DTL: variants seen among roughly 807,000 people sequenced by gnomAD.
DTL encodes denticleless E3 ubiquitin protein ligase adapter.
A neutral mutation model predicts 87.0 loss-of-function variants in DTL; 46 were observed. The observed-to-expected ratio is 0.53, with a 90% CI of 0.42 to 0.68. The LOEUF is 0.68. DTL is among the 30% of genes least tolerant of loss of function. The pLI is 0.00. For missense variants in DTL, 737 were observed against 869.4 expected, an observed-to-expected ratio of 0.85 and a Z score of 1.91; for synonymous variants, 308 against 311.2, an observed-to-expected ratio of 0.99 and a Z score of 0.11.
chr1:212,074,003 T>A (rs779821415), intron 11 of DTL, among the ~76,000 whole-genome samples: 9 of 152,078 alleles, frequency 5.9e-5, no homozygotes, highest in Non-Finnish European at 8.8e-5. Flanking sequence ...ACTAGAGGAT[T>A]TTATTCCTAC....
chr1:212,076,634 TGAG>T (rs1654839055), intron 11 of DTL, among the ~76,000 whole-genome samples: 5 of 152,168 alleles, frequency 3.3e-5, no homozygotes, highest in Admixed American at 3.3e-4. Flanking sequence ...CAGTAGGACT[TGAG>T]GATTTCCTCT....
intron 5 of DTL, among the ~76,000 whole-genome samples, chr1:212,051,342 T>C (rs1365055360): frequency 6.6e-6 from 1 of 151,890 alleles, no homozygotes; most frequent in Admixed American, 6.6e-5. Flanking sequence ...TTTCTTATAG[T>C]GTGAGTCTGA....
chr1:212,051,236 G>A (rs2102534772), intron 5 of DTL, among the ~76,000 whole-genome samples: 1 of 152,024 alleles, frequency 6.6e-6, no homozygotes, highest in Middle Eastern at 3.4e-3. Flanking sequence ...ATCAAAAAGT[G>A]AACCCACAAT....
chr1:212,094,483 G>A (rs561591907), intron 13 of DTL, among the ~76,000 whole-genome samples: 13 of 152,176 alleles, frequency 8.5e-5, no homozygotes, highest in African/African-American at 2.4e-4. Context: ...TACGAGTACC[G>A]TGCTATTTGA....
chr1:212,049,921 C>T (rs1336863544), intron 5 of DTL, among the ~76,000 whole-genome samples: 3 of 151,636 alleles, frequency 2.0e-5, no homozygotes, highest in Non-Finnish European at 4.4e-5. Flanking sequence ...TGGCTCATCC[C>T]TATAATCCCA....
At chr1:212,097,929 G>C (rs1267833078) in intron 13 of DTL, among the ~76,000 whole-genome samples, 6 of 152,142 alleles carry the variant, frequency 3.9e-5, no homozygotes, top group Admixed American at 3.9e-4. Flanking sequence ...TTGGTGTGGT[G>C]CTCTCCCCCT....
At chr1:212,047,477 A>G in intron 5 of DTL, 60 bp downstream of exon 5, 1 of 1,598,474 alleles carries the variant, frequency 6.3e-7, no homozygotes, top group Non-Finnish European at 8.6e-7. Flanking sequence ...GGAGATAAGA[A>G]CCTGTAATTG....
intron 11 of DTL, among the ~76,000 whole-genome samples, chr1:212,075,742 C>A (rs187837691): frequency 8.5e-4 from 129 of 152,192 alleles, no homozygotes; most frequent in African/African-American, 3.1e-3. Context: ...TATAATTCAC[C>A]ATTTTAGTCA....
intron 10 of DTL, among the ~76,000 whole-genome samples, chr1:212,071,154 A>G (rs1304902188): frequency 6.6e-6 from 1 of 152,240 alleles, no homozygotes; most frequent in African/African-American, 2.4e-5. Flanking sequence ...CTATAAATAC[A>G]AAGTTCTTTT....
At chr1:212,089,494 C>G (rs1253894853) in intron 13 of DTL, among the ~76,000 whole-genome samples, 2 of 151,956 alleles carry the variant, frequency 1.3e-5, no homozygotes, top group Non-Finnish European at 2.9e-5. Flanking sequence ...GAGAAAATTG[C>G]GGAATGCACA....
intron 11 of DTL, among the ~76,000 whole-genome samples, chr1:212,072,525 T>C (rs1654706073): frequency 6.6e-6 from 1 of 152,212 alleles, no homozygotes; most frequent in South Asian, 2.1e-4. Context: ...GAAAACATGC[T>C]ATACTGACTT....
At chr1:212,058,104 C>T (rs1668233856) in intron 5 of DTL, among the ~76,000 whole-genome samples, 1 of 152,144 alleles carries the variant, frequency 6.6e-6, no homozygotes, top group Non-Finnish European at 1.5e-5. Flanking sequence ...AAGGGAGAGA[C>T]TCCAGTGCAA....
chr1:212,095,662 A>G (rs1484766395), intron 13 of DTL, among the ~76,000 whole-genome samples: 2 of 152,164 alleles, frequency 1.3e-5, no homozygotes, highest in Non-Finnish European at 2.9e-5. Context: ...TTCTGTTTAT[A>G]TGGTGTATCA....
In DTL at chr1:212,103,020, A is replaced by G; in HGVS notation, c.*80A>G. The G allele has an allele frequency of 1.3e-6, 1 of 780,382 alleles. No homozygotes were observed. The highest frequency in any genetic ancestry group is 2.1e-6 in the Non-Finnish European group (1 of 476,140). 48.3% of individuals were successfully genotyped at this position (780,382 alleles called of 1,614,324 possible). On this transcript the variant is annotated 3_prime_UTR_variant, in exon 15 of 15. Coordinates refer to ENST00000366991, the MANE Select transcript of DTL (RefSeq NM_016448.4). Reference sequence around the variant, plus strand: ...GGTCCACTAAAACAAGATGAAAAATACAAGAGTGACTCTATAACTCTGGTC... The same window carrying G: ...GGTCCACTAAAACAAGATGAAAAATGCAAGAGTGACTCTATAACTCTGGTC...
At chr1:212,066,974 G>T (rs1654525445) in intron 8 of DTL, 89 bp downstream of exon 8, 5 of 1,123,210 alleles carry the variant, frequency 4.5e-6, no homozygotes, top group Non-Finnish European at 6.6e-6. Flanking sequence ...AATTGAATGT[G>T]TGTGCTTTCA....
At chr1:212,097,117 G>C (rs965842838) in intron 13 of DTL, among the ~76,000 whole-genome samples, 1 of 152,148 alleles carries the variant, frequency 6.6e-6, no homozygotes, top group Admixed American at 6.5e-5. Flanking sequence ...AGTTTCACTG[G>C]ATACAAAATT....
intron 5 of DTL, among the ~76,000 whole-genome samples, chr1:212,056,825 C>G (rs1668192115): frequency 6.6e-6 from 1 of 151,982 alleles, no homozygotes; most frequent in South Asian, 2.1e-4. Flanking sequence ...TCTGGAACTA[C>G]AGAATTCATT....
chr1:212,072,234 C>G (rs1259999237), intron 11 of DTL, 21 bp downstream of exon 11: 7 of 1,553,910 alleles, frequency 4.5e-6, no homozygotes, highest in Non-Finnish European at 6.2e-6. Context: ...AAACTTCACC[C>G]ACAAGTGTTA....
intron 12 of DTL, among the ~76,000 whole-genome samples, chr1:212,080,053 C>T (rs1654945261): frequency 6.6e-6 from 1 of 152,302 alleles, no homozygotes; most frequent in Non-Finnish European, 1.5e-5. Flanking sequence ...TAACTTCTTT[C>T]AGCCTAGGGA....
Sources: gnomAD v4.1 joint callset for allele counts (sites outside exome capture counted in the v4.1 genomes callset) on GRCh38, gnomAD v4.1.1 for gene constraint, MANE v1.5 for transcripts, NCBI Gene and HGNC (gene_info 2026-07-23, HGNC 2026-07-21) for gene names.